CPNE4: variants seen among roughly 807,000 people sequenced by gnomAD.
CPNE4 encodes copine-4.
CPNE4 carries 25 observed loss-of-function variants against 67.9 expected under a neutral mutation model. That is an observed-to-expected ratio of 0.37 (90% CI 0.27 to 0.51). CPNE4 has a LOEUF of 0.51. CPNE4 is among the 20% of genes least tolerant of loss of function. CPNE4 has a pLI of 0.93. For missense variants in CPNE4, 464 were observed against 690.8 expected (o/e 0.67, Z 3.68); for synonymous variants, 242 against 244.9 (o/e 0.99, Z 0.11).
intron 1 of CPNE4, among the ~76,000 whole-genome samples, chr3:132,006,739 A>C (rs533474908): frequency 1.3e-5 from 2 of 152,206 alleles, no homozygotes; most frequent in Non-Finnish European, 2.9e-5. Context: ...AGCAATGAGC[A>C]ATCAGAAGTA....
At chr3:131,876,574 G>A (rs1187575160) in intron 2 of CPNE4, among the ~76,000 whole-genome samples, 26 of 148,540 alleles carry the variant, frequency 1.8e-4, no homozygotes, top group Admixed American at 3.4e-4. Context: ...CCCGGGAGGC[G>A]GAGCTTGCAG....
At chr3:132,011,548 A>C (rs1164581800) in intron 1 of CPNE4, among the ~76,000 whole-genome samples, 3 of 152,232 alleles carry the variant, frequency 2.0e-5, no homozygotes, top group African/African-American at 7.2e-5. Flanking sequence ...TAGCTGGAGA[A>C]GGGGAAACCC....
intron 7 of CPNE4, among the ~76,000 whole-genome samples, chr3:131,622,928 T>C (rs936459971): frequency 2.0e-4 from 30 of 152,150 alleles, no homozygotes; most frequent in Admixed American, 2.0e-3. Context: ...TTCATCACTT[T>C]TTGTTGTTGC....
At chr3:131,962,120 C>CT (rs2072200679) in intron 1 of CPNE4, among the ~76,000 whole-genome samples, 1 of 152,098 alleles carries the variant, frequency 6.6e-6, no homozygotes, top group South Asian at 2.1e-4. Flanking sequence ...TTTGAGTAGA[C>CT]TCCCCTTCTA....
intron 7 of CPNE4, among the ~76,000 whole-genome samples, chr3:131,663,816 C>T (rs1044165713): frequency 1.3e-5 from 2 of 152,146 alleles, no homozygotes; most frequent in African/African-American, 4.8e-5. Flanking sequence ...ATTTGGGCCT[C>T]CTTTCACCCC....
intron 1 of CPNE4, among the ~76,000 whole-genome samples, chr3:131,980,203 A>C (rs1317822683): frequency 1.3e-5 from 2 of 152,142 alleles, no homozygotes; most frequent in Non-Finnish European, 2.9e-5. Context: ...TGAATTTCCC[A>C]GGTGTTCTTT....
chr3:131,813,785 G>A (rs2084626773), intron 2 of CPNE4, among the ~76,000 whole-genome samples: 1 of 152,172 alleles, frequency 6.6e-6, no homozygotes, highest in Non-Finnish European at 1.5e-5. Flanking sequence ...AGAAGTCCCA[G>A]AACACTTATT....
At chr3:131,538,198 A>ATATC (rs1171909475) in intron 15 of CPNE4, among the ~76,000 whole-genome samples, 1 of 152,216 alleles carries the variant, frequency 6.6e-6, no homozygotes, top group Non-Finnish European at 1.5e-5. Context: ...GTAATATTCT[A>ATATC]TATCTGTGCT....
intron 2 of CPNE4, among the ~76,000 whole-genome samples, chr3:131,724,540 T>A (rs2081959731): frequency 6.6e-6 from 1 of 152,218 alleles, no homozygotes; most frequent in Non-Finnish European, 1.5e-5. Context: ...TGGGTTCTGG[T>A]TGGAGTCAGC....
intron 1 of CPNE4, among the ~76,000 whole-genome samples, chr3:131,912,076 C>T (rs750346715): frequency 4.1e-5 from 6 of 148,010 alleles, no homozygotes; most frequent in African/African-American, 1.5e-4. Flanking sequence ...TGATTTAAAT[C>T]CTCTTTGTTG....
intron 1 of CPNE4, among the ~76,000 whole-genome samples, chr3:131,986,435 A>G (rs1334494180): frequency 1.3e-5 from 2 of 152,218 alleles, no homozygotes; most frequent in African/African-American, 2.4e-5. Context: ...GCAACAACCT[A>G]ATGGCTTAAG....
At chr3:131,576,579 A>G (rs1326479156) in intron 9 of CPNE4, among the ~76,000 whole-genome samples, 1 of 152,132 alleles carries the variant, frequency 6.6e-6, no homozygotes, top group Non-Finnish European at 1.5e-5. Flanking sequence ...AGATGTCTGT[A>G]TCTGTAAGAA....
intron 7 of CPNE4, among the ~76,000 whole-genome samples, chr3:131,641,642 G>A (rs2079544116): frequency 6.6e-6 from 1 of 152,216 alleles, no homozygotes; most frequent in African/African-American, 2.4e-5. Flanking sequence ...TTTTGATCTA[G>A]CAATTCTACT....
At chr3:131,579,331 G>A (rs913969596) in intron 9 of CPNE4, among the ~76,000 whole-genome samples, 1 of 152,134 alleles carries the variant, frequency 6.6e-6, no homozygotes, top group African/African-American at 2.4e-5. Context: ...ACAGTTCATT[G>A]ACAATAGACC....
intron 7 of CPNE4, among the ~76,000 whole-genome samples, chr3:131,637,504 T>A (rs556238594): frequency 1.3e-5 from 2 of 152,042 alleles, no homozygotes; most frequent in African/African-American, 4.8e-5. Flanking sequence ...AGAAAAAAAA[T>A]TTTGTTAATG....
At chr3:131,619,422 T>G (rs1559994149) in intron 7 of CPNE4, among the ~76,000 whole-genome samples, 1 of 152,068 alleles carries the variant, frequency 6.6e-6, no homozygotes, top group Non-Finnish European at 1.5e-5. Flanking sequence ...AACTATAATA[T>G]GACAGGTATT....
intron 2 of CPNE4, among the ~76,000 whole-genome samples, chr3:131,872,922 G>A (rs551502927): frequency 1.5e-4 from 23 of 152,204 alleles, no homozygotes; most frequent in Middle Eastern, 3.4e-3. Flanking sequence ...ATATCATGTA[G>A]ACAAACTAAC....
intron 2 of CPNE4, among the ~76,000 whole-genome samples, chr3:131,734,143 C>T (rs532133444): frequency 5.9e-5 from 9 of 152,272 alleles, no homozygotes; most frequent in African/African-American, 2.2e-4. Flanking sequence ...GTGAATTAGT[C>T]CCCTGATCCA....
intron 7 of CPNE4, among the ~76,000 whole-genome samples, chr3:131,638,176 T>C (rs2079444157): frequency 6.6e-6 from 1 of 151,918 alleles, no homozygotes; most frequent in Admixed American, 6.6e-5. Context: ...ATGAATAGAA[T>C]AGTACCTCAC....
Sources: allele counts gnomAD v4.1 joint callset (sites outside exome capture counted in the v4.1 genomes callset), GRCh38; gene constraint gnomAD v4.1.1; transcripts MANE v1.5; gene names NCBI Gene and HGNC (gene_info 2026-07-23, HGNC 2026-07-21).